Variants in PTCHD4 observed in about 807,000 individuals in gnomAD.
PTCHD4 encodes the protein patched domain-containing protein 4.
A neutral mutation model predicts 58.1 loss-of-function variants in PTCHD4; 33 were observed. The observed-to-expected ratio is 0.57, with a 90% CI of 0.43 to 0.76. PTCHD4 has a LOEUF of 0.76. PTCHD4 is among the 30% of genes least tolerant of loss of function. The probability of loss-of-function intolerance (pLI) is 0.00; values close to 1 mark genes in which losing one functional copy is unlikely to be tolerated. For missense variants in PTCHD4, 1,058 were observed against 1,027.1 expected (o/e 1.03, Z -0.41); for synonymous variants, 478 against 409.6 (o/e 1.17, Z -2.02).
chr6:48,031,477 T>C (rs1040053554), intron 3 of PTCHD4, among the ~76,000 whole-genome samples: 1 of 152,092 alleles, frequency 6.6e-6, no homozygotes, highest in Non-Finnish European at 1.5e-5. Flanking sequence ...ATAATTACTT[T>C]CTTTAACAAG....
rs111976770 is a variant in PTCHD4, at chr6:48,001,376, A to G, written c.898+7258T>C. On this transcript the variant is annotated intron_variant, in intron 4 of 4. Coordinates refer to ENST00000339488, the MANE Select transcript of PTCHD4 (RefSeq NM_001384253.1). ...GAACTATATACTACAAGGCTACAGT[A>G]ACCAAAACAGCATGGTACTGGTACC... 4.0e-3 allele frequency among the ~76,000 whole-genome samples: 602 copies of G among 152,326 alleles called. 4 individuals are homozygous for G. Among genetic ancestry groups the G allele is most frequent in the African/African-American group, 0.014 (572 of 41,572 alleles).
chr6:47,932,906 G>T (rs1581898139), intron 4 of PTCHD4, among the ~76,000 whole-genome samples: 1 of 152,132 alleles, frequency 6.6e-6, no homozygotes, highest in African/African-American at 2.4e-5. Flanking sequence ...TAAATTAGTT[G>T]GTATATGTGA....
intron 1 of PTCHD4, among the ~76,000 whole-genome samples, chr6:48,090,478 A>C (rs1765343261): frequency 6.6e-6 from 1 of 152,108 alleles, no homozygotes; most frequent in Admixed American, 6.5e-5. Flanking sequence ...TTTTGGTGCC[A>C]TTTTGCAGCA....
chr6:48,009,997 C>T (rs549216542), intron 3 of PTCHD4, among the ~76,000 whole-genome samples: 19 of 152,278 alleles, frequency 1.2e-4, no homozygotes, highest in Middle Eastern at 3.4e-3. Context: ...AGGTTGAGAA[C>T]GGTATTTCTC....
intron 4 of PTCHD4, 109 bp downstream of exon 4, chr6:48,008,525 T>C: frequency 3.9e-6 from 5 of 1,271,074 alleles, no homozygotes; most frequent in Non-Finnish European, 5.4e-6. Flanking sequence ...TGTAATGACA[T>C]AGACACCCCA....
chr6:48,085,053 T>C (rs1765237411), intron 1 of PTCHD4, among the ~76,000 whole-genome samples: 1 of 143,446 alleles, frequency 7.0e-6, no homozygotes, highest in Non-Finnish European at 1.5e-5. Flanking sequence ...AGAGTACTTC[T>C]CATTAAAAAA....
chr6:47,963,156 TAAAAAAGA>T (rs1313924966), intron 4 of PTCHD4, among the ~76,000 whole-genome samples: 5 of 149,850 alleles, frequency 3.3e-5, no homozygotes, highest in African/African-American at 7.4e-5. Flanking sequence ...AATAAATAAA[TAAAAAAGA>T]AAAAAAGAAA....
chr6:48,103,355 A>G (rs181330434), intron 1 of PTCHD4, among the ~76,000 whole-genome samples: 160 of 152,304 alleles, frequency 1.1e-3, no homozygotes, highest in African/African-American at 3.5e-3. Flanking sequence ...TCTGCAGTGG[A>G]CCTCCAGTAA....
chr6:48,081,975 C>T (rs1162497783), intron 1 of PTCHD4, among the ~76,000 whole-genome samples: 1 of 152,156 alleles, frequency 6.6e-6, no homozygotes, highest in Non-Finnish European at 1.5e-5. Context: ...ATCAGGCCTG[C>T]CCACCCAAAG....
At chr6:47,957,211 A>G (rs2113960233) in intron 4 of PTCHD4, among the ~76,000 whole-genome samples, 1 of 148,878 alleles carries the variant, frequency 6.7e-6, no homozygotes, top group East Asian at 2.0e-4. Flanking sequence ...AATATTTTTT[A>G]AACAGAAATA....
intron 3 of PTCHD4, among the ~76,000 whole-genome samples, chr6:48,010,938 A>G (rs1582016690): frequency 6.6e-6 from 1 of 152,338 alleles, no homozygotes; most frequent in East Asian, 1.9e-4. Context: ...ATAGTATTCC[A>G]GGGTGTATAT....
intron 4 of PTCHD4, among the ~76,000 whole-genome samples, chr6:47,883,563 T>G (rs563490590): frequency 6.6e-6 from 1 of 152,330 alleles, no homozygotes; most frequent in East Asian, 1.9e-4. Context: ...TAAAATAACT[T>G]TAATTAATTA....
intron 4 of PTCHD4, among the ~76,000 whole-genome samples, chr6:47,894,739 T>G (rs1033241159): frequency 4.6e-5 from 7 of 152,218 alleles, no homozygotes; most frequent in Non-Finnish European, 1.0e-4. Context: ...GCCAGAACAT[T>G]TATTGCTCTC....
chr6:48,072,238 T>C (rs1764989576), intron 1 of PTCHD4, among the ~76,000 whole-genome samples: 1 of 152,206 alleles, frequency 6.6e-6, no homozygotes. Flanking sequence ...GTCTATTTTC[T>C]CTATTTATTC....
At chr6:48,024,314 A>C (rs1763167902) in intron 3 of PTCHD4, among the ~76,000 whole-genome samples, 1 of 152,074 alleles carries the variant, frequency 6.6e-6, no homozygotes, top group Non-Finnish European at 1.5e-5. Context: ...GGACTCTCTA[A>C]GTAGGGTGTA....
At chr6:48,004,475 A>T (rs189495918) in intron 4 of PTCHD4, among the ~76,000 whole-genome samples, 38 of 152,336 alleles carry the variant, frequency 2.5e-4, no homozygotes, top group African/African-American at 7.9e-4. Context: ...TTCTTCCAGA[A>T]AGAGGAAACA....
At chr6:48,040,531 C>A (rs961624214) in intron 3 of PTCHD4, among the ~76,000 whole-genome samples, 7 of 151,952 alleles carry the variant, frequency 4.6e-5, no homozygotes, top group African/African-American at 1.7e-4. Flanking sequence ...GGTTTAAAAT[C>A]ATCAGTTGTA....
At chr6:47,977,695 C>T (rs1015954126) in intron 4 of PTCHD4, among the ~76,000 whole-genome samples, 1 of 148,906 alleles carries the variant, frequency 6.7e-6, no homozygotes, top group African/African-American at 2.4e-5. Flanking sequence ...CAATAGATAG[C>T]TAAAACATAT....
chr6:48,065,110 C>A (rs910847541), intron 3 of PTCHD4, among the ~76,000 whole-genome samples: 1 of 152,092 alleles, frequency 6.6e-6, no homozygotes, highest in Admixed American at 6.5e-5. Flanking sequence ...GTCCAGGACT[C>A]CCTGGGTGTC....
Sources: allele counts gnomAD v4.1 joint callset (sites outside exome capture counted in the v4.1 genomes callset), GRCh38; gene constraint gnomAD v4.1.1; transcripts MANE v1.5; gene names NCBI Gene and HGNC (gene_info 2026-07-23, HGNC 2026-07-21).